Variants in PCDH7 observed in about 807,000 individuals in gnomAD.
The protein encoded by PCDH7 is protocadherin 7.
In PCDH7, 17 loss-of-function variants were observed where a neutral mutation model predicts 58.9. The observed-to-expected ratio is 0.29, with a 90% CI of 0.20 to 0.43. The LOEUF (loss-of-function observed/expected upper bound fraction) is 0.43, where lower values mean the gene tolerates loss of function less well. PCDH7 is among the 20% of genes least tolerant of loss of function. The probability of loss-of-function intolerance (pLI) is 1.00; values close to 1 mark genes in which losing one functional copy is unlikely to be tolerated. For missense variants in PCDH7, 1,274 were observed against 1,441.0 expected, an observed-to-expected ratio of 0.88 and a Z score of 1.88; for synonymous variants, 664 against 616.4, an observed-to-expected ratio of 1.08 and a Z score of -1.14.
At chr4:30,769,581 G>A (rs1407779560) in intron 1 of PCDH7, among the ~76,000 whole-genome samples, 2 of 152,126 alleles carry the variant, frequency 1.3e-5, no homozygotes, top group East Asian at 3.9e-4. Flanking sequence ...ACTGTTTTAA[G>A]ATACACTCTA....
At chr4:30,892,286 A>C (rs557628240) in intron 1 of PCDH7, among the ~76,000 whole-genome samples, 2 of 152,250 alleles carry the variant, frequency 1.3e-5, no homozygotes, top group East Asian at 3.9e-4. Context: ...GCACCTCTCT[A>C]TAAATATATT....
chr4:30,872,090 A>C (rs11726296), intron 1 of PCDH7, among the ~76,000 whole-genome samples: 13,350 of 152,158 alleles, frequency 0.088, 743 homozygotes, highest in Non-Finnish European at 0.12. Context: ...AGACTTCAAC[A>C]TATCTTTTGG....
intron 3 of PCDH7, among the ~76,000 whole-genome samples, chr4:30,952,926 G>A (rs1747509211): frequency 6.6e-6 from 1 of 152,136 alleles, no homozygotes; most frequent in Non-Finnish European, 1.5e-5. Flanking sequence ...TCTCTACCAA[G>A]ATACTCATAA....
chr4:30,892,115 G>A (rs925044293), intron 1 of PCDH7, among the ~76,000 whole-genome samples: 1 of 152,000 alleles, frequency 6.6e-6, no homozygotes, highest in African/African-American at 2.4e-5. Flanking sequence ...ACTTAACTGG[G>A]TTGTTGCAGT....
At chr4:30,924,648 A>G in intron 2 of PCDH7, among the ~76,000 whole-genome samples, 1 of 152,164 alleles carries the variant, frequency 6.6e-6, no homozygotes, top group East Asian at 1.9e-4. Flanking sequence ...TGTGGGAGAC[A>G]GCTGTGGAGC....
chr4:30,879,396 A>C (rs1736675920), intron 1 of PCDH7, among the ~76,000 whole-genome samples: 4 of 152,154 alleles, frequency 2.6e-5, no homozygotes, highest in African/African-American at 7.2e-5. Context: ...TCTTTAGATC[A>C]GATGATTTTA....
intron 1 of PCDH7, among the ~76,000 whole-genome samples, chr4:30,821,400 G>C (rs1728358444): frequency 6.6e-6 from 1 of 152,244 alleles, no homozygotes; most frequent in Non-Finnish European, 1.5e-5. Flanking sequence ...TTAGATGTGG[G>C]AGGAAAGATG....
intron 2 of PCDH7, among the ~76,000 whole-genome samples, chr4:30,923,032 A>G (rs896437024): frequency 6.6e-6 from 1 of 152,156 alleles, no homozygotes; most frequent in East Asian, 1.9e-4. Flanking sequence ...TTTAATTGGA[A>G]TCCAGGTAAT....
chr4:30,881,436 G>A (rs1319634339), intron 1 of PCDH7, among the ~76,000 whole-genome samples: 1 of 152,058 alleles, frequency 6.6e-6, no homozygotes, highest in Non-Finnish European at 1.5e-5. Context: ...AAGAACAACT[G>A]CTCACATCTA....
chr4:31,098,496 A>G (rs1560222719), intron 3 of PCDH7, among the ~76,000 whole-genome samples: 1 of 152,166 alleles, frequency 6.6e-6, no homozygotes, highest in Non-Finnish European at 1.5e-5. Context: ...TGCAAAGCCA[A>G]AAGTTGATCG....
chr4:30,856,351 T>A (rs531806806), intron 1 of PCDH7, among the ~76,000 whole-genome samples: 49 of 152,222 alleles, frequency 3.2e-4, no homozygotes, highest in African/African-American at 1.1e-3. Context: ...TATTAATCCT[T>A]GATATTGCTG....
intron 3 of PCDH7, among the ~76,000 whole-genome samples, chr4:31,078,854 A>G (rs1242392031): frequency 6.6e-6 from 1 of 151,986 alleles, no homozygotes. Flanking sequence ...GGTATTGCAG[A>G]TTGCACAATG....
At chr4:30,895,957 A>T (rs1412629871) in intron 1 of PCDH7, among the ~76,000 whole-genome samples, 1 of 152,218 alleles carries the variant, frequency 6.6e-6, no homozygotes, top group Non-Finnish European at 1.5e-5. Flanking sequence ...GCTTCATCTA[A>T]TGCACCATAC....
intron 3 of PCDH7, among the ~76,000 whole-genome samples, chr4:31,086,346 T>C (rs1712432468): frequency 1.3e-5 from 2 of 152,204 alleles, no homozygotes; most frequent in African/African-American, 4.8e-5. Flanking sequence ...GTCGATGATG[T>C]CCCGCAGTTA....
At chr4:30,971,203 A>G (rs773912161) in intron 3 of PCDH7, among the ~76,000 whole-genome samples, 24 of 152,214 alleles carry the variant, frequency 1.6e-4, no homozygotes, top group Non-Finnish European at 2.9e-4. Flanking sequence ...ACTAGCTTGT[A>G]TGAACGAAAT....
At chr4:31,051,483 A>G (rs1245211764) in intron 3 of PCDH7, among the ~76,000 whole-genome samples, 19 of 152,150 alleles carry the variant, frequency 1.2e-4, no homozygotes, top group Admixed American at 1.2e-3. Flanking sequence ...CCAGCCATAG[A>G]ATAATAATCC....
chr4:31,034,094 AAAAC>A (rs10660538), intron 3 of PCDH7, among the ~76,000 whole-genome samples: 69 of 151,476 alleles, frequency 4.6e-4, no homozygotes, highest in Non-Finnish European at 7.2e-4. Context: ...ACTCTGTCTC[AAAAC>A]AAACAAACAA....
intron 1 of PCDH7, among the ~76,000 whole-genome samples, chr4:30,883,449 T>C (rs149159423): frequency 1.2e-3 from 183 of 152,282 alleles, no homozygotes; most frequent in African/African-American, 4.2e-3. Flanking sequence ...TCAGTATGTA[T>C]TTGTTTGACT....
chr4:30,782,847 A>C (rs886904249), intron 1 of PCDH7, among the ~76,000 whole-genome samples: 1 of 152,110 alleles, frequency 6.6e-6, no homozygotes, highest in Non-Finnish European at 1.5e-5. Context: ...CTTTCCTTCG[A>C]GTATATGGAG....
Sources: gnomAD v4.1 joint callset for allele counts (sites outside exome capture counted in the v4.1 genomes callset) on GRCh38, gnomAD v4.1.1 for gene constraint, MANE v1.5 for transcripts, NCBI Gene and HGNC (gene_info 2026-07-23, HGNC 2026-07-21) for gene names.